Variants in CCL24 observed in about 807,000 individuals in gnomAD.
CCL24 encodes the protein C-C motif chemokine ligand 24.
In CCL24, 6 loss-of-function variants were observed where a neutral mutation model predicts 8.6. That is an observed-to-expected ratio of 0.70 (90% CI 0.38 to 1.38). The LOEUF (loss-of-function observed/expected upper bound fraction) is 1.38. CCL24 is among the 40% of genes most tolerant of loss of function. The pLI is 0.02. For missense variants in CCL24, 126 were observed against 147.1 expected (o/e 0.86, Z 0.74); for synonymous variants, 59 against 52.7 (o/e 1.12, Z -0.52).
At chr7:75,813,498 G>A in intron 1 of CCL24, 75 bp from the exon 2 acceptor site, 1 of 1,303,638 alleles carries the variant, frequency 7.7e-7, no homozygotes. Flanking sequence ...GCTGGAGCTT[G>A]AACCCTGCAC....
chr7:75,818,666 C>G (rs369899847), upstream of CCL24, among the ~76,000 whole-genome samples: 1 of 131,122 alleles, frequency 7.6e-6, no homozygotes, highest in African/African-American at 2.6e-5. Context: ...AAGTGGGAAC[C>G]TGGCAGGGGC....
upstream of CCL24, among the ~76,000 whole-genome samples, chr7:75,815,029 G>T (rs1554533925): frequency 1.3e-5 from 2 of 151,980 alleles, no homozygotes; most frequent in African/African-American, 2.4e-5. Flanking sequence ...TGGTGGGTGG[G>T]AGGAAGGGAA....
intron 1 of CCL24, among the ~76,000 whole-genome samples, chr7:75,820,050 T>A (rs1233879070): frequency 7.2e-6 from 1 of 138,954 alleles, no homozygotes; most frequent in Non-Finnish European, 1.6e-5. Context: ...CTTCTTCTTC[T>A]TCTTCTTCTT....
chr7:75,816,815 G>GC (rs1207014768), upstream of CCL24, among the ~76,000 whole-genome samples: 13 of 145,660 alleles, frequency 8.9e-5, no homozygotes, highest in African/African-American at 2.8e-4. Flanking sequence ...ACCCACCTCG[G>GC]CCCCCCAACG....
upstream of CCL24, among the ~76,000 whole-genome samples, chr7:75,818,101 G>GTC (rs1803931367): frequency 6.6e-6 from 1 of 152,116 alleles, no homozygotes; most frequent in African/African-American, 2.4e-5. Context: ...AAAGTGCTGG[G>GTC]ATGACCAGCA....
At chr7:75,815,231 T>C (rs873972), upstream of CCL24, among the ~76,000 whole-genome samples, 76,879 of 151,262 alleles carry the variant, frequency 0.51, 19,924 homozygotes, top group East Asian at 0.78. Context: ...CCTAGCTACT[T>C]GGGAGGCTGA....
upstream of CCL24, among the ~76,000 whole-genome samples, chr7:75,815,148 G>C (rs1301460518): frequency 6.6e-6 from 1 of 151,792 alleles, no homozygotes; most frequent in African/African-American, 2.4e-5. Context: ...AGACCAGCAG[G>C]GGCAACATAG....
chr7:75,811,717 T>A lies in CCL24; in HGVS notation c.*79A>T. The A allele has an allele frequency of 7.7e-7, 1 of 1,299,522 alleles. No individual in the cohort carries two copies. Among genetic ancestry groups the A allele is most frequent in the Admixed American group, 2.2e-5 (1 of 44,758 alleles). The allele number at this position is 1,299,522 out of a possible 1,614,324, so 80.5% of individuals were successfully genotyped here. On this transcript the variant is annotated 3_prime_UTR_variant, in exon 3 of 3. Coordinates refer to ENST00000222902, the MANE Select transcript of CCL24 (RefSeq NM_002991.3). The stretch of plus-strand genomic sequence containing the variant: ...ACAGGAAAATTAGCTCTTCCCCCCA[T>A]CACTGTGGCTTCTCCAGGCCCCGAG...
upstream of CCL24, chr7:75,813,875 C>T (rs557994468): frequency 2.0e-4 from 111 of 554,252 alleles, no homozygotes; most frequent in African/African-American, 2.8e-4. Flanking sequence ...GCCCCCTCCA[C>T]GCTTCCTTGA....
In CCL24 at chr7:75,811,428, G is replaced by T. The variant is rs760023532; in HGVS notation, c.*368C>A. ...CAGGAGGCGGAGGTTGCAGTGAACC[G>T]AGATTGTGCCACTGCACTCCAGCCT... On this transcript the variant is annotated 3_prime_UTR_variant, in exon 3 of 3. Transcript: ENST00000222902. Among the ~76,000 whole-genome samples, 2 of 151,442 alleles carry T rather than the reference G, an allele frequency of 1.3e-5. No homozygotes were observed. Among genetic ancestry groups the T allele is most frequent in the African/African-American group, 4.9e-5 (2 of 41,196 alleles).
At chr7:75,822,571 C>T (rs558912119) in intron 1 of CCL24, among the ~76,000 whole-genome samples, 3 of 152,264 alleles carry the variant, frequency 2.0e-5, no homozygotes, top group Admixed American at 6.5e-5. Flanking sequence ...TGGTGACTCA[C>T]GCCTGTGATC....
At chr7:75,813,844 T>G, upstream of CCL24, 1 of 660,472 alleles carries the variant, frequency 1.5e-6, no homozygotes, top group Non-Finnish European at 2.7e-6. Flanking sequence ...ATGGGGCAAC[T>G]AGAAGGAAAC....
At position 75,820,923 on chromosome 7, in the gene CCL24, TCATCCATCCATCCATC is replaced by T. The variant is rs150165581; in HGVS notation, c.-60+2383_-60+2398del. Among the ~76,000 whole-genome samples, 5 of 144,350 alleles carry T rather than the reference TCATCCATCCATCCATC, an allele frequency of 3.5e-5. No individual in the cohort carries two copies. In the South Asian group the frequency reaches 6.7e-4, roughly 19 times the overall value. 94.7% of individuals were successfully genotyped at this position (144,350 alleles called of 152,430 possible). A position where few individuals can be genotyped will look rare whatever the true frequency, so the allele number is the denominator to read the frequency against. On this transcript the variant is annotated intron_variant, in intron 1 of 3. Coordinates refer to the CCL24 transcript ENST00000416943. ...TTAATCCATCCATCTATCCATCAATTCATCCATCCATCCATCCATCCATCCATCCATCCATCCATCC... is the reference window on the plus strand; with the variant it reads ...TTAATCCATCCATCTATCCATCAATTCATCCATCCATCCATCCATCCATCC...
At chr7:75,813,451 G>A (rs376830563) in intron 1 of CCL24, 28 bp from the exon 2 acceptor site, 140 of 1,515,454 alleles carry the variant, frequency 9.2e-5, no homozygotes, top group Middle Eastern at 1.8e-4. Context: ...GAAGAGCCAC[G>A]TCTTTTCCCA....
rs782015706 is a variant in CCL24 at position 75,813,386 on chromosome 7, A to G, written c.111T>C (p.Phe37=). 1.2e-6 allele frequency: 2 copies of G among 1,613,740 alleles called. No homozygotes were observed. Among genetic ancestry groups the G allele is most frequent in the South Asian group, 2.2e-5 (2 of 91,084 alleles). Residue 37 remains phenylalanine (F), a synonymous_variant, in exon 2 of 3, where the codon TTT becomes TTC. Transcript: ENST00000222902. ...VVIPSPCCMF[F]VSKRIPENRV... ...GGTTCTCAGGAATTCTCTTGGAAAC[A>G]AAGAACATGCAGCAGGGAGAGGGGA...
chr7:75,813,956 T>A (rs1803832862), upstream of CCL24: 4 of 423,916 alleles, frequency 9.4e-6, no homozygotes, highest in Admixed American at 6.9e-5. Flanking sequence ...TCAAGGGTTA[T>A]CTTGGGCTCC....
chr7:75,823,001 C>A (rs1554535289), intron 1 of CCL24, among the ~76,000 whole-genome samples: 1 of 152,158 alleles, frequency 6.6e-6, no homozygotes, highest in African/African-American at 2.4e-5. Context: ...GCCACCACAC[C>A]GAGTTCACTT....
At chr7:75,816,455 A>G (rs1803892597), upstream of CCL24, among the ~76,000 whole-genome samples, 1 of 152,198 alleles carries the variant, frequency 6.6e-6, no homozygotes, top group African/African-American at 2.4e-5. Context: ...ATCAGCCAAC[A>G]GTAATTATCC....
In CCL24 at chr7:75,820,995, C is replaced by T. The variant is rs188077227; in HGVS notation, c.-60+2327G>A. 9.2e-5 allele frequency among the ~76,000 whole-genome samples: 14 copies of T among 152,216 alleles called. No homozygotes were observed. The East Asian group carries it at 2.7e-3, about 29-fold the overall frequency. ...CGAACCCTGCTATATACCAGGTGCC[C>T]CATCCCAGGCATACCAAGAAAAACT... is the stretch of plus-strand genomic sequence containing the variant. On this transcript the variant is annotated intron_variant, in intron 1 of 3. Transcript: ENST00000416943.
Sources: gnomAD v4.1 joint callset for allele counts (sites outside exome capture counted in the v4.1 genomes callset) on GRCh38, gnomAD v4.1.1 for gene constraint, MANE v1.5 for transcripts, NCBI Gene and HGNC (gene_info 2026-07-23, HGNC 2026-07-21) for gene names.